The following VCL variants were observed in gnomAD, a reference collection of about 807,000 sequenced individuals.
VCL encodes the protein epididymis luminal protein 114.
VCL carries 47 observed loss-of-function variants against 125.7 expected under a neutral mutation model. The ratio of observed to expected loss-of-function variants is 0.37; its 90% CI spans 0.30 to 0.48. VCL has a LOEUF of 0.48. VCL is among the 20% of genes least tolerant of loss of function. The pLI is 0.99. For synonymous variants in VCL, 458 were observed against 514.6 expected (o/e 0.89, Z 1.49); for missense variants, 1,069 against 1,455.5 (o/e 0.73, Z 4.32).
Position 74,089,291 on chromosome 10 carries a change from A to G in VCL, c.1118A>G (p.Lys373Arg), listed in dbSNP as rs1839839044. The G allele has an allele frequency of 1.2e-6, 2 of 1,614,098 alleles. No homozygotes were observed. The change falls in exon 9 of 22, where the codon AAG becomes AGG. Residue 373 changes from lysine to arginine, a missense_variant. Around this residue, in one of 6 missense-constraint regions of VCL, gnomAD observed 760 missense variants for 928.9 expected, o/e 0.82. Transcript: ENST00000211998. ...LTAKVENAAR[K>R]LEAMTNSKQS... ...GCAAAAGTGGAAAATGCAGCTCGCA[A>G]GCTGGAAGCCATGACCAACTCAAAG... is the stretch of plus-strand genomic sequence containing the variant.
At position 74,012,092 on chromosome 10, in the gene VCL, G is replaced by A. The variant is rs565570292; in HGVS notation, c.168+13717G>A. On this transcript the variant is annotated intron_variant, in intron 1 of 21. Coordinates refer to ENST00000211998, the MANE Select transcript of VCL (RefSeq NM_014000.3). ...CATGAGTAAGCTTTCTGTGAAGAAA[G>A]AAATGGCACAGTTGTTAGAGTTGAG... Among the ~76,000 whole-genome samples the A allele has an allele frequency of 2.5e-3, 384 of 152,282 alleles. 3 individuals are homozygous for A. Among genetic ancestry groups the A allele is most frequent in the Non-Finnish European group, 4.0e-3 (271 of 68,010 alleles).
At chr10:74,051,072 T>TG in intron 2 of VCL, among the ~76,000 whole-genome samples, 1 of 151,060 alleles carries the variant, frequency 6.6e-6, no homozygotes, top group Admixed American at 6.6e-5. Flanking sequence ...CCCGAGTAGC[T>TG]GGGATTACAG....
chr10:74,021,668 T>C (rs972914987), intron 1 of VCL, among the ~76,000 whole-genome samples: 4 of 152,218 alleles, frequency 2.6e-5, no homozygotes, highest in Non-Finnish European at 1.5e-5. Flanking sequence ...ACTTGGGCTG[T>C]TCTAAAGCTT....
At chr10:74,107,175 C>G (rs770465883) in intron 16 of VCL, 55 bp from the exon 17 acceptor site, 114 of 1,613,544 alleles carry the variant, frequency 7.1e-5, no homozygotes, top group Non-Finnish European at 9.5e-5. Flanking sequence ...GCTGCACAGA[C>G]AGTGCTTTGG....
chr10:74,089,963 T>C, intron 9 of VCL, 60 bp from the exon 10 acceptor site: 1 of 1,597,630 alleles, frequency 6.3e-7, no homozygotes, highest in Non-Finnish European at 8.6e-7. Context: ...CTTGTTAAGT[T>C]TAGTAGAAAG....
Position 74,027,315 on chromosome 10 carries a change from AT to A in VCL, c.169-15755del, listed in dbSNP as rs368271046. ...CTTTCCGTTTTAAATATATTTACCC[AT>A]TTTTTTTTTTTTGTAATGACATGTG... On this transcript the variant is annotated intron_variant, in intron 1 of 21. Coordinates refer to ENST00000211998, the MANE Select transcript of VCL (RefSeq NM_014000.3). Among the ~76,000 whole-genome samples, 885 of 144,946 alleles carry A rather than the reference AT, an allele frequency of 6.1e-3. 4 individuals are homozygous for A. Among genetic ancestry groups the A allele is most frequent in the African/African-American group, 0.016 (628 of 39,270 alleles).
At chr10:74,104,891 G>T in intron 15 of VCL, 160 bp from the exon 16 acceptor site, 3 of 800,852 alleles carry the variant, frequency 3.7e-6, no homozygotes, top group South Asian at 3.5e-5. Context: ...TTTAACTGTG[G>T]TGTTTACCTG....
chr10:74,007,880 G>A (rs1291875303), intron 1 of VCL, among the ~76,000 whole-genome samples: 1 of 151,338 alleles, frequency 6.6e-6, no homozygotes, highest in Non-Finnish European at 1.5e-5. Context: ...TCCGCTCACT[G>A]CAACCTCTGC....
intron 1 of VCL, among the ~76,000 whole-genome samples, chr10:74,031,979 A>T (rs1366701985): frequency 6.8e-6 from 1 of 146,836 alleles, no homozygotes; most frequent in Non-Finnish European, 1.5e-5. Context: ...CAGGAGAATC[A>T]CTTGAACCTG....
intron 1 of VCL, among the ~76,000 whole-genome samples, chr10:74,015,984 CTTTT>C (rs1348076239): frequency 6.6e-6 from 1 of 152,096 alleles, no homozygotes. Flanking sequence ...TACGCTCAGC[CTTTT>C]TTCTTTTTAT....
At chr10:74,034,295 A>G (rs1210737573) in intron 1 of VCL, among the ~76,000 whole-genome samples, 1 of 151,856 alleles carries the variant, frequency 6.6e-6, no homozygotes, top group Admixed American at 6.6e-5. Context: ...TGCTTTTCCA[A>G]TTTCCTGTCC....
intron 6 of VCL, among the ~76,000 whole-genome samples, chr10:74,079,266 G>A (rs1839641030): frequency 6.6e-6 from 1 of 152,108 alleles, no homozygotes; most frequent in Non-Finnish European, 1.5e-5. Context: ...CAGGCCAGCT[G>A]TCCCCAAAGC....
At chr10:74,087,017 A>T (rs967757246) in intron 8 of VCL, among the ~76,000 whole-genome samples, 1 of 150,938 alleles carries the variant, frequency 6.6e-6, no homozygotes, top group African/African-American at 2.4e-5. Flanking sequence ...ACTCTTTTTT[A>T]AAAAAAAAAT....
Position 74,095,872 on chromosome 10 carries a change from CATA to C in VCL, c.1743+18_1743+20del. ...TCCTTAAAGGTAGAAGTCAGGAGCACATATCATTTTACTTTTTATGCTTCCTAT... is the reference window on the plus strand; with the variant it reads ...TCCTTAAAGGTAGAAGTCAGGAGCACTCATTTTACTTTTTATGCTTCCTAT... On this transcript the variant is annotated intron_variant, in intron 12 of 21. Coordinates refer to ENST00000211998, the MANE Select transcript of VCL (RefSeq NM_014000.3). The C allele has an allele frequency of 1.9e-6, 3 of 1,611,328 alleles. No homozygotes were observed. Among genetic ancestry groups the C allele is most frequent in the Non-Finnish European group, 2.5e-6 (3 of 1,179,674 alleles).
At chr10:74,037,837 G>A (rs1841011103) in intron 1 of VCL, among the ~76,000 whole-genome samples, 1 of 152,152 alleles carries the variant, frequency 6.6e-6, no homozygotes, top group South Asian at 2.1e-4. Flanking sequence ...GAAGAGTCTG[G>A]AGCAACAAGA....
At chr10:74,033,866 A>G (rs1234734562) in intron 1 of VCL, among the ~76,000 whole-genome samples, 1 of 152,134 alleles carries the variant, frequency 6.6e-6, no homozygotes, top group Non-Finnish European at 1.5e-5. Flanking sequence ...GCTGGGAGCC[A>G]TCCTAGATTT....
At chr10:74,043,505 C>A (rs930585134) in intron 2 of VCL, among the ~76,000 whole-genome samples, 1 of 151,996 alleles carries the variant, frequency 6.6e-6, no homozygotes, top group African/African-American at 2.4e-5. Context: ...TGCCACCATC[C>A]CTGGCTAATC....
chr10:74,094,460 C>T lies in VCL; in HGVS notation c.1542C>T (p.Val514=), dbSNP rs7904077. ...IDNPTVDDRG[V]GQAAIRGLVA... is the part of the protein sequence containing the mutation. ...ATCCCACAGTGGATGACCGTGGAGT[C>T]GGTAAGGGCAGCAGTGCACTATAAC... Residue 514 remains valine, a splice_region_variant and synonymous_variant, in exon 11 of 22, where the codon GTC becomes GTT. Coordinates refer to ENST00000211998, the MANE Select transcript of VCL (RefSeq NM_014000.3). The T allele has an allele frequency of 6.2e-4, 1,008 of 1,613,324 alleles. 9 individuals carry two copies. The African/African-American group carries it at 0.012, about 19-fold the overall frequency.
chr10:74,030,471 T>C (rs946424670), intron 1 of VCL, among the ~76,000 whole-genome samples: 4 of 152,230 alleles, frequency 2.6e-5, no homozygotes, highest in African/African-American at 9.6e-5. Context: ...AGAGCACATT[T>C]ATTAAAGAAA....
Sources: allele counts gnomAD v4.1 joint callset (sites outside exome capture counted in the v4.1 genomes callset), GRCh38; gene constraint gnomAD v4.1.1; regional missense constraint gnomAD v4.1.1; transcripts MANE v1.5; gene names NCBI Gene and HGNC (gene_info 2026-07-23, HGNC 2026-07-21).